Variants in AFF3 observed in about 807,000 individuals in gnomAD.
AFF3 encodes AF4/FMR2 family member 3.
A neutral mutation model predicts 129.7 loss-of-function variants in AFF3; 32 were observed. The observed-to-expected ratio is 0.25, with a 90% CI of 0.19 to 0.33. The LOEUF (loss-of-function observed/expected upper bound fraction) is 0.33. AFF3 is among the 10% of genes least tolerant of loss of function. The probability of loss-of-function intolerance (pLI) is 1.00; values close to 1 mark genes in which losing one functional copy is unlikely to be tolerated. For missense variants in AFF3, 1,373 were observed against 1,592.0 expected, an observed-to-expected ratio of 0.86 and a Z score of 2.34; for synonymous variants, 644 against 635.4, an observed-to-expected ratio of 1.01 and a Z score of -0.20.
At chr2:100,078,038 C>T (rs1179625008) in intron 4 of AFF3, among the ~76,000 whole-genome samples, 1 of 152,182 alleles carries the variant, frequency 6.6e-6, no homozygotes, top group Non-Finnish European at 1.5e-5. Flanking sequence ...AGCCAGTTCC[C>T]TTGGCAAATT....
rs544865690 is a variant in AFF3, at chr2:100,008,751, C to A, written c.174+61G>T. ...CGGCCAATTCTTTTAGTCAAGGCCA[C>A]CGTCACAGGGAGTGAGAGAAACAAG... On this transcript the variant is annotated intron_variant, in intron 5 of 24. Transcript: ENST00000672756. The A allele has an allele frequency of 7.6e-5, 119 of 1,573,038 alleles. No homozygotes were observed. The African/African-American group carries it at 1.5e-3, about 20-fold the overall frequency.
At chr2:99,777,845 T>A (rs953003380) in intron 8 of AFF3, among the ~76,000 whole-genome samples, 1 of 147,178 alleles carries the variant, frequency 6.8e-6, no homozygotes, top group African/African-American at 2.5e-5. Context: ...ACAGAGCAGA[T>A]GCGCCACAGG....
intron 4 of AFF3, 21 bp from the exon 5 acceptor site, chr2:100,008,953 G>A (rs1324322189): frequency 6.2e-7 from 1 of 1,612,738 alleles, no homozygotes; most frequent in Non-Finnish European, 8.5e-7. Context: ...AAAAAGAAGA[G>A]AGAACAACCA....
chr2:99,898,855 T>G (rs902224345), intron 7 of AFF3, among the ~76,000 whole-genome samples: 3 of 152,312 alleles, frequency 2.0e-5, no homozygotes, highest in African/African-American at 7.2e-5. Context: ...GCTCTCTCGC[T>G]TTGGCCAACG....
chr2:100,051,420 TC>T (rs1427287956), intron 4 of AFF3, among the ~76,000 whole-genome samples: 2 of 152,170 alleles, frequency 1.3e-5, no homozygotes, highest in Non-Finnish European at 2.9e-5. Flanking sequence ...AACTCAGTCT[TC>T]AAACATACTG....
At chr2:99,849,001 T>C (rs1378711604) in intron 7 of AFF3, among the ~76,000 whole-genome samples, 1 of 152,126 alleles carries the variant, frequency 6.6e-6, no homozygotes, top group Non-Finnish European at 1.5e-5. Context: ...ACTTGGAAGA[T>C]GTGCCAGGTA....
chr2:99,938,352 G>A (rs1674714979), intron 7 of AFF3, among the ~76,000 whole-genome samples: 1 of 152,318 alleles, frequency 6.6e-6, no homozygotes, highest in Non-Finnish European at 1.5e-5. Flanking sequence ...TATAGTAAGA[G>A]TGTGTACCTG....
rs1575704576 is a variant in AFF3, at chr2:99,690,473, G to A, written c.1092-17884C>T. ...TGGGATTACAGGCGTGAGCCACCAC[G>A]CTCGGCCAATAACCACAATCTTTAA... On this transcript the variant is annotated intron_variant, in intron 11 of 24. Transcript: ENST00000672756. Among the ~76,000 whole-genome samples the A allele has an allele frequency of 3.3e-5, 5 of 152,102 alleles. No individual in the cohort carries two copies. The East Asian group carries it at 5.9e-4, about 18-fold the overall frequency.
intron 7 of AFF3, among the ~76,000 whole-genome samples, chr2:99,934,035 G>T (rs958417668): frequency 6.6e-6 from 1 of 152,138 alleles, no homozygotes; most frequent in Non-Finnish European, 1.5e-5. Flanking sequence ...CTCTAGGGCA[G>T]CCAGTCATTT....
chr2:99,739,028 A>G (rs866830081), intron 10 of AFF3, among the ~76,000 whole-genome samples: 7 of 27,116 alleles, frequency 2.6e-4, no homozygotes, highest in African/African-American at 7.6e-4. Context: ...TTTTTTTTTT[A>G]GCAAATATTA....
At chr2:99,736,129 A>T (rs532036773) in intron 10 of AFF3, among the ~76,000 whole-genome samples, 1 of 152,056 alleles carries the variant, frequency 6.6e-6, no homozygotes, top group South Asian at 2.1e-4. Flanking sequence ...TGGGTAATGT[A>T]CTCTTGCTCA....
chr2:100,135,899 A>T (rs1692621083), intron 1 of AFF3, among the ~76,000 whole-genome samples: 1 of 152,080 alleles, frequency 6.6e-6, no homozygotes, highest in South Asian at 2.1e-4. Context: ...TAAAGTGCTA[A>T]GAAGCAATTC....
intron 7 of AFF3, among the ~76,000 whole-genome samples, chr2:99,896,619 G>GTTTTTT (rs1558955546): frequency 2.3e-5 from 1 of 44,188 alleles, no homozygotes; most frequent in African/African-American, 6.5e-5. Context: ...CTGTCAAAAT[G>GTTTTTT]CTTTTTTTTT....
At chr2:99,639,206 G>A (rs1575573192) in intron 13 of AFF3, among the ~76,000 whole-genome samples, 2 of 152,198 alleles carry the variant, frequency 1.3e-5, no homozygotes, top group Non-Finnish European at 2.9e-5. Context: ...CTTTTAAAAT[G>A]TGTGTTATGT....
chr2:99,620,880 G>A (rs1681935620), intron 13 of AFF3, among the ~76,000 whole-genome samples: 1 of 152,136 alleles, frequency 6.6e-6, no homozygotes, highest in Admixed American at 6.5e-5. Context: ...TTCTTGTCAT[G>A]TGACACACCT....
At chr2:99,922,285 T>G (rs1193598087) in intron 7 of AFF3, among the ~76,000 whole-genome samples, 1 of 152,202 alleles carries the variant, frequency 6.6e-6, no homozygotes, top group African/African-American at 2.4e-5. Context: ...ATATCCACAT[T>G]CATTTTATTC....
chr2:99,688,610 G>T (rs747202051), intron 11 of AFF3, among the ~76,000 whole-genome samples: 1 of 152,042 alleles, frequency 6.6e-6, no homozygotes. Context: ...TTCTCGAGGC[G>T]CTCTTTCTTT....
intron 2 of AFF3, among the ~76,000 whole-genome samples, chr2:100,115,494 C>T (rs1362066502): frequency 6.6e-6 from 1 of 152,018 alleles, no homozygotes; most frequent in Non-Finnish European, 1.5e-5. Flanking sequence ...GGTGGAGGCT[C>T]CAGTGGGTTG....
rs577355287 is a variant in AFF3 at position 99,593,845 on chromosome 2, C to T, written c.1816G>A (p.Glu606Lys). The T allele has an allele frequency of 4.4e-6, 7 of 1,597,090 alleles. No individual in the cohort carries two copies. The highest frequency in any genetic ancestry group is 4.0e-5 in the African/African-American group (3 of 74,204). ...AGDGANCHRP[E>K]EPAAADALGT... is the part of the protein sequence containing the mutation. ...AGCGCGTCCGCGGCCGCGGGCTCCT[C>T]GGGCCGGTGGCAGTTGGCGCCGTCC... The change falls in exon 15 of 25, where the codon GAG becomes AAG. Residue 606 changes from glutamate to lysine, a missense_variant. By Grantham distance (56) the Glu-to-Lys change is moderately conservative (BLOSUM62 1). Around this residue, in one of 9 missense-constraint regions of AFF3, gnomAD observed 466 missense variants for 505.0 expected, o/e 0.92. Transcript: ENST00000672756.
Sources: gnomAD v4.1 joint callset for allele counts (sites outside exome capture counted in the v4.1 genomes callset) on GRCh38, gnomAD v4.1.1 for gene constraint, gnomAD v4.1.1 regional missense constraint, MANE v1.5 for transcripts, NCBI Gene and HGNC (gene_info 2026-07-23, HGNC 2026-07-21) for gene names.